Variants in APC2 observed in about 807,000 individuals in gnomAD.
APC2 encodes adenomatous polyposis coli protein 2.
A neutral mutation model predicts 72.5 loss-of-function variants in APC2; 41 were observed. The observed-to-expected ratio is 0.57, with a 90% CI of 0.44 to 0.73. APC2 has a LOEUF of 0.73. Ranked by LOEUF, APC2 falls within the 30% of genes least tolerant of loss-of-function variation. APC2 has a pLI of 0.00. For missense variants in APC2, 3,729 were observed against 3,403.4 expected, an observed-to-expected ratio of 1.10 and a Z score of -2.38; for synonymous variants, 1,898 against 1,612.0, an observed-to-expected ratio of 1.18 and a Z score of -4.25.
At chr19:1,454,607 A>G (rs145170994) in intron 4 of APC2, among the ~76,000 whole-genome samples, 3,034 of 131,882 alleles carry the variant, frequency 0.023, 135 homozygotes, top group African/African-American at 0.082. Context: ...TCTGTCGCCC[A>G]AGCTGGAGTG....
rs2083934190 is a variant in APC2 at position 1,462,043 on chromosome 19, G to C, written c.1719G>C (p.Gln573His). 6.2e-7 allele frequency: 1 copy of C among 1,613,056 alleles called. No individual in the cohort carries two copies. Among genetic ancestry groups the C allele is most frequent in the Non-Finnish European group, 8.5e-7 (1 of 1,180,018 alleles). Residue 573 changes from glutamine (Q) to histidine (H), a missense_variant, in exon 14 of 15, where the codon CAG (glutamine) becomes CAC (histidine). Transcript: ENST00000590469. ...HSTENKAAIC[Q>H]VDGALGFLVS... ...CAGAGAACAAGGCGGCCATCTGCCAGGTGGATGGCGCCCTGGGCTTCCTGG... is the reference window on the plus strand; with the variant it reads ...CAGAGAACAAGGCGGCCATCTGCCACGTGGATGGCGCCCTGGGCTTCCTGG...
In APC2 at chr19:1,467,907, G is replaced by A. The variant is rs1229627927; in HGVS notation, c.4606G>A (p.Ala1536Thr). The A allele has an allele frequency of 1.3e-6, 2 of 1,583,532 alleles. No homozygotes were observed. The highest frequency in any genetic ancestry group is 8.5e-7 in the Non-Finnish European group (1 of 1,173,340). Residue 1536 changes from alanine to threonine, a missense_variant, in exon 15 of 15, where the codon GCT becomes ACT. Physicochemically the swap from Ala to Thr is moderately conservative, Grantham distance 58 (BLOSUM62 0). Transcript: ENST00000590469. Reference sequence around the variant, plus strand: ...CCGGCGCACATCGGCCATCCCTCGCGCTTTTACGCGGGAGCGTCCGCAGGG... The same window carrying A: ...CCGGCGCACATCGGCCATCCCTCGCACTTTTACGCGGGAGCGTCCGCAGGG... ...THRRTSAIPR[A>T]FTRERPQGRK...
In APC2 at chr19:1,452,492, G is replaced by C. The variant is rs35768508; in HGVS notation, c.-18-492G>C. On this transcript the variant is annotated intron_variant, in intron 1 of 14. Transcript: ENST00000590469. This position sits in a 1 kb window ranked among gnomAD's most constrained non-coding sequence, Gnocchi z 5.1. ...ACAGCTGGTGGTCTGTCCGCCCCGC[G>C]TGTCTGGCTGTCAGCCTCTGGGCAG... 16,771 of 164,792 alleles carry C rather than the reference G, an allele frequency of 0.1. 1,857 individuals are homozygous for C. Among genetic ancestry groups the C allele is most frequent in the African/African-American group, 0.29 (12,035 of 41,526 alleles). The allele number at this position is 164,792 out of a possible 1,614,324, so 10.2% of individuals were successfully genotyped here.
At position 1,467,410 on chromosome 19, in the gene APC2, C is replaced by A; in HGVS notation, c.4109C>A (p.Pro1370His). 1 of 1,491,564 alleles carries A rather than the reference C, an allele frequency of 6.7e-7. No individual in the cohort carries two copies. Among genetic ancestry groups the A allele is most frequent in the East Asian group, 2.8e-5 (1 of 35,720 alleles). The allele number at this position is 1,491,564 out of a possible 1,614,324, so 92.4% of individuals were successfully genotyped here. A position where few individuals can be genotyped will look rare whatever the true frequency, so the allele number is the denominator to read the frequency against. Residue 1370 changes from proline to histidine, a missense_variant, in exon 15 of 15, where the codon CCC (proline) becomes CAC (histidine). Pro to His is a moderately conservative substitution (Grantham distance 77). Coordinates refer to ENST00000590469, the MANE Select transcript of APC2 (RefSeq NM_005883.3). ...CTGGTGCCAGGTCGCCGCGCACTCC[C>A]CGTGCCCGTCTACATGTTGGTGCCC... ...SALVPGRRAL[P>H]VPVYMLVPAP...
In APC2 at chr19:1,450,177, G is replaced by A; in HGVS notation, c.-180G>A. On this transcript the variant is annotated 5_prime_UTR_variant, in exon 1 of 15. Transcript: ENST00000590469. ...GCGCCGCCTGCCCAGGCCCGGACCG[G>A]GCTTTGTCCGCCCCGGAGCCCCTGC... The A allele has an allele frequency of 6.1e-6, 6 of 985,270 alleles. No individual in the cohort carries two copies. Among genetic ancestry groups the A allele is most frequent in the Non-Finnish European group, 7.2e-6 (6 of 829,886 alleles). 61.0% of individuals were successfully genotyped at this position (985,270 alleles called of 1,614,324 possible). A position where few individuals can be genotyped will look rare whatever the true frequency, so the allele number is the denominator to read the frequency against.
At position 1,468,423 on chromosome 19, in the gene APC2, C is replaced by A. The variant is rs1166645023; in HGVS notation, c.5122C>A (p.Arg1708=). 1 of 1,590,884 alleles carries A rather than the reference C, an allele frequency of 6.3e-7. No homozygotes were observed. The highest frequency in any genetic ancestry group is 8.5e-7 in the Non-Finnish European group (1 of 1,169,628). Residue 1708 remains arginine (R), a synonymous_variant, in exon 15 of 15, where the codon CGG becomes AGG. Transcript: ENST00000590469. The part of the protein sequence containing the change: ...TWLHQAAAAT[R]EASSESDSIL... The stretch of plus-strand genomic sequence containing the variant: ...GCTGCACCAGGCAGCAGCTGCCACG[C>A]GGGAGGCCTCGTCCGAGTCCGACTC...
In APC2 at chr19:1,471,195, T is replaced by TACG. The variant is rs1415452315; in HGVS notation, c.*983_*985dup. The TACG allele has an allele frequency of 2.0e-5, 3 of 152,410 alleles. No homozygotes were observed. Among genetic ancestry groups the TACG allele is most frequent in the Non-Finnish European group, 2.9e-5 (2 of 68,184 alleles). The allele number at this position is 152,410 out of a possible 1,614,324, so 9.4% of individuals were successfully genotyped here. A position where few individuals can be genotyped will look rare whatever the true frequency, so the allele number is the denominator to read the frequency against. On this transcript the variant is annotated 3_prime_UTR_variant, in exon 15 of 15. Transcript: ENST00000590469. Reference sequence around the variant, plus strand: ...CCTCTCCCCAGCGGAGCCTGCACGTTACGGAGACCATCACATGTGGGCGTG... The same window carrying TACG: ...CCTCTCCCCAGCGGAGCCTGCACGTTACGACGGAGACCATCACATGTGGGCGTG...
In APC2 at chr19:1,470,103, G is replaced by A; in HGVS notation, c.6802G>A (p.Ala2268Thr). The change falls in exon 15 of 15, where the codon GCC becomes ACC. Residue 2268 changes from alanine to threonine, a missense_variant. Coordinates refer to ENST00000590469, the MANE Select transcript of APC2 (RefSeq NM_005883.3). Reference protein sequence around the residue: ...ASRHGSPSRSARVPPFNYVPS... With the variant: ...ASRHGSPSRSTRVPPFNYVPS... ...CCGGCACGGCTCCCCCAGCCGCTCGGCCCGAGTACCCCCCTTCAACTATGT... is the reference window on the plus strand; with the variant it reads ...CCGGCACGGCTCCCCCAGCCGCTCGACCCGAGTACCCCCCTTCAACTATGT... 6.2e-7 allele frequency: 1 copy of A among 1,605,722 alleles called. No homozygotes were observed. Among genetic ancestry groups the A allele is most frequent in the South Asian group, 1.1e-5 (1 of 90,536 alleles).
chr19:1,459,003 T>C (rs2083882783), intron 10 of APC2, among the ~76,000 whole-genome samples: 1 of 151,572 alleles, frequency 6.6e-6, no homozygotes, highest in African/African-American at 2.4e-5. Context: ...CTTCAAACTC[T>C]GTCCCGGTGA....
At chr19:1,458,742 A>T (rs946011630) in intron 10 of APC2, among the ~76,000 whole-genome samples, 1 of 151,912 alleles carries the variant, frequency 6.6e-6, no homozygotes, top group Non-Finnish European at 1.5e-5. Flanking sequence ...TTTGAGACAG[A>T]GTCTCACTCT....
Position 1,452,997 on chromosome 19 carries a change from T to G in APC2, c.-5T>G. ...CTGTGATCCCAGACGCTGCAGGAGC[T>G]GAAGATGGCGAGCTCCGTGGCGCCC... On this transcript the variant is annotated 5_prime_UTR_variant, in exon 2 of 15. Coordinates refer to ENST00000590469, the MANE Select transcript of APC2 (RefSeq NM_005883.3). The surrounding 1 kb of genome is among the most constrained non-coding windows in gnomAD (Gnocchi z 5.1). The G allele has an allele frequency of 6.2e-7, 1 of 1,611,024 alleles. No homozygotes were observed. Among genetic ancestry groups the G allele is most frequent in the Non-Finnish European group, 8.5e-7 (1 of 1,179,914 alleles).
chr19:1,446,469 G>A (rs963263985), upstream of APC2: 13 of 696,730 alleles, frequency 1.9e-5, no homozygotes, highest in African/African-American at 1.4e-4. This position sits in a 1 kb window ranked among gnomAD's most constrained non-coding sequence, Gnocchi z 6.1. Context: ...AGGCTGCAGA[G>A]TCGGGGGTCT....
rs1317939657 is a variant in APC2, at chr19:1,462,231, AGGGCT to A, written c.1853+64_1853+68del. 6.2e-6 allele frequency: 9 copies of A among 1,455,648 alleles called. 1 individual carries two copies. Among genetic ancestry groups the A allele is most frequent in the Non-Finnish European group, 8.2e-6 (9 of 1,091,912 alleles). 90.2% of individuals were successfully genotyped at this position (1,455,648 alleles called of 1,614,324 possible). ...AGGCAGCTGCGCTCGGGGCGGGCACAGGGCTGGGCTGGGCACTGTCCTCCCGTGAA... is the reference window on the plus strand; with the variant it reads ...AGGCAGCTGCGCTCGGGGCGGGCACAGGGCTGGGCACTGTCCTCCCGTGAA... On this transcript the variant is annotated intron_variant, in intron 14 of 14. Coordinates refer to ENST00000590469, the MANE Select transcript of APC2 (RefSeq NM_005883.3).
chr19:1,461,801 G>A (rs1451940960), intron 13 of APC2, 162 bp from the exon 14 acceptor site: 4 of 622,552 alleles, frequency 6.4e-6, no homozygotes, highest in Admixed American at 6.1e-5. Context: ...GCAGTGAGTC[G>A]AGATCTCGCC....
In APC2 at chr19:1,456,914, G is replaced by A. The variant is rs771831923; in HGVS notation, c.878G>A (p.Arg293His). Reference sequence around the variant, plus strand: ...ACGCGCGACCAGGAGGATACAGCGCGCACGCTGCTGGCCATGTCCAGCTCG... The same window carrying A: ...ACGCGCGACCAGGAGGATACAGCGCACACGCTGCTGGCCATGTCCAGCTCG... ...LATRDQEDTA[R>H]TLLAMSSSPE... is the part of the protein sequence containing the mutation. The change falls in exon 9 of 15, where the codon CGC (arginine) becomes CAC (histidine). Residue 293 changes from arginine (R) to histidine (H), a missense_variant. Transcript: ENST00000590469. 2.5e-6 allele frequency: 4 copies of A among 1,576,610 alleles called. No individual in the cohort carries two copies. Among genetic ancestry groups the A allele is most frequent in the Non-Finnish European group, 2.6e-6 (3 of 1,169,376 alleles).
Position 1,466,054 on chromosome 19 carries a change from C to T in APC2, c.2753C>T (p.Ala918Val). The part of the protein sequence containing the change: ...RAHPLLRLKA[A>V]HASLSNDSLN... ...CACCCGCTGCTGCGGCTCAAGGCGG[C>T]CCACGCCAGCCTCTCCAACGACAGC... Residue 918 changes from alanine (A) to valine (V), a missense_variant, in exon 15 of 15, where the codon GCC (alanine) becomes GTC (valine). Ala to Val is a moderately conservative substitution (Grantham distance 64). Transcript: ENST00000590469. 2 of 1,503,898 alleles carry T rather than the reference C, an allele frequency of 1.3e-6. No homozygotes were observed. The highest frequency in any genetic ancestry group is 8.8e-7 in the Non-Finnish European group (1 of 1,137,326). The allele number at this position is 1,503,898 out of a possible 1,614,324, so 93.2% of individuals were successfully genotyped here.
At position 1,469,533 on chromosome 19, in the gene APC2, T is replaced by C; in HGVS notation, c.6232T>C (p.Ser2078Pro). 1 of 1,190,526 alleles carries C rather than the reference T, an allele frequency of 8.4e-7. No homozygotes were observed. Among genetic ancestry groups the C allele is most frequent in the Non-Finnish European group, 1.1e-6 (1 of 950,366 alleles). The allele number at this position is 1,190,526 out of a possible 1,614,324, so 73.7% of individuals were successfully genotyped here. ...PGERPARRTTSESPSRLPVRA... is the reference protein window; with the variant it reads ...PGERPARRTTPESPSRLPVRA... ...CGAGCGCCCTGCCCGGCGCACCACC[T>C]CCGAGAGCCCGTCCCGCCTGCCTGT... Residue 2078 changes from serine (S) to proline (P), a missense_variant, in exon 15 of 15, where the codon TCC (serine) becomes CCC (proline). By Grantham distance (74) the Ser-to-Pro change is moderately conservative (BLOSUM62 -1). Coordinates refer to ENST00000590469, the MANE Select transcript of APC2 (RefSeq NM_005883.3).
Position 1,469,450 on chromosome 19 carries a change from C to A in APC2, c.6149C>A (p.Pro2050His). Residue 2050 changes from proline to histidine, a missense_variant, in exon 15 of 15, where the codon CCC becomes CAC. Physicochemically the swap from Pro to His is moderately conservative, Grantham distance 77. Transcript: ENST00000590469. ...CGCTGCGAAGAGCTCCGAGCGGCAC[C>A]CCGGCAGGGCCCGGCCCCGGCCCGG... ...SSRCEELRAAPRQGPAPARQR... is the reference protein window; with the variant it reads ...SSRCEELRAAHRQGPAPARQR... 1 of 1,144,882 alleles carries A rather than the reference C, an allele frequency of 8.7e-7. No homozygotes were observed. Among genetic ancestry groups the A allele is most frequent in the Non-Finnish European group, 1.1e-6 (1 of 935,384 alleles). 70.9% of individuals were successfully genotyped at this position (1,144,882 alleles called of 1,614,324 possible). A position where few individuals can be genotyped will look rare whatever the true frequency, so the allele number is the denominator to read the frequency against.
At chr19:1,446,285 T>C, upstream of APC2, 4 of 981,600 alleles carry the variant, frequency 4.1e-6, no homozygotes, top group Non-Finnish European at 4.8e-6. The surrounding 1 kb of genome is among the most constrained non-coding windows in gnomAD (Gnocchi z 6.1). Flanking sequence ...CGGCCGCGGC[T>C]CCATGGGGCT....
Sources: allele counts gnomAD v4.1 joint callset (sites outside exome capture counted in the v4.1 genomes callset), GRCh38; gene constraint gnomAD v4.1.1; non-coding constraint Gnocchi (gnomAD v3.1); transcripts MANE v1.5; gene names NCBI Gene and HGNC (gene_info 2026-07-23, HGNC 2026-07-21).